The following AKAP13 variants were observed in gnomAD, a reference collection of about 807,000 sequenced individuals.
The protein encoded by AKAP13 is A-kinase anchor protein 13.
AKAP13 carries 80 observed loss-of-function variants against 264.5 expected under a neutral mutation model. That is an observed-to-expected ratio of 0.30 (90% confidence interval 0.25 to 0.36). The LOEUF is 0.36. Ranked by LOEUF, AKAP13 falls within the 10% of genes least tolerant of loss-of-function variation. AKAP13 has a pLI of 1.00. For missense variants in AKAP13, 3,712 were observed against 3,435.2 expected (o/e 1.08, Z -2.01); for synonymous variants, 1,380 against 1,250.2 (o/e 1.10, Z -2.19).
At chr15:85,494,110 T>G (rs2075807623) in intron 2 of AKAP13, among the ~76,000 whole-genome samples, 1 of 152,114 alleles carries the variant, frequency 6.6e-6, no homozygotes, top group Admixed American at 6.5e-5. Flanking sequence ...TCATACCATC[T>G]CTTATATGCC....
Position 85,748,718 on chromosome 15 carries a change from G to T in AKAP13, c.*4041G>T, listed in dbSNP as rs1379811249. 6.6e-6 allele frequency: 1 copy of T among 152,170 alleles called. No individual in the cohort carries two copies. Among genetic ancestry groups the T allele is most frequent in the Non-Finnish European group, 1.5e-5 (1 of 68,032 alleles). The allele number at this position is 152,170 out of a possible 1,614,324, so 9.4% of individuals were successfully genotyped here. A position where few individuals can be genotyped will look rare whatever the true frequency, so the allele number is the denominator to read the frequency against. Reference sequence around the variant, plus strand: ...CATCTAATTTAATTGTCAAAAGATTGATAGGCCATGAATTACTTCTCCATC... The same window carrying T: ...CATCTAATTTAATTGTCAAAAGATTTATAGGCCATGAATTACTTCTCCATC... On this transcript the variant is annotated 3_prime_UTR_variant, in exon 37 of 37. Coordinates refer to ENST00000394518, the MANE Select transcript of AKAP13 (RefSeq NM_007200.5).
intron 4 of AKAP13, among the ~76,000 whole-genome samples, chr15:85,541,417 T>C (rs1236534081): frequency 6.6e-6 from 1 of 152,204 alleles, no homozygotes; most frequent in Non-Finnish European, 1.5e-5. Flanking sequence ...ATTTGCTGTG[T>C]GATTCTTTGA....
intron 1 of AKAP13, among the ~76,000 whole-genome samples, chr15:85,385,716 A>G (rs1366230117): frequency 1.3e-5 from 2 of 152,370 alleles, no homozygotes; most frequent in South Asian, 2.1e-4. Flanking sequence ...TTTGATGTCA[A>G]TTCAAAATCT....
At chr15:85,535,323 A>G (rs1420295465) in intron 4 of AKAP13, 1 of 152,232 alleles carries the variant, frequency 6.6e-6, no homozygotes, top group African/African-American at 2.4e-5. Flanking sequence ...CAGCCGTCAG[A>G]ACGGTGTCCC....
At position 85,582,046 on chromosome 15, in the gene AKAP13, T is replaced by C. The variant is rs200288158; in HGVS notation, c.3978T>C (p.Phe1326=). 1 of 1,613,860 alleles carries C rather than the reference T, an allele frequency of 6.2e-7. No homozygotes were observed. The highest frequency in any genetic ancestry group is 8.5e-7 in the Non-Finnish European group (1 of 1,179,912). ...EEATGSLAGC[F]AGREEPEKII... is the part of the protein sequence containing the mutation. ...CCACGGGGAGCCTTGCAGGATGTTTTGCTGGAAGGGAGGAGCCAGAGAAGA... is the reference window on the plus strand; with the variant it reads ...CCACGGGGAGCCTTGCAGGATGTTTCGCTGGAAGGGAGGAGCCAGAGAAGA... The change falls in exon 7 of 37, where the codon TTT becomes TTC. Residue 1326 remains phenylalanine (F), a synonymous_variant. Transcript: ENST00000394518.
chr15:85,421,526 TG>T (rs2072519742), intron 1 of AKAP13, among the ~76,000 whole-genome samples: 1 of 152,386 alleles, frequency 6.6e-6, no homozygotes, highest in African/African-American at 2.4e-5. Flanking sequence ...GCCCAATATT[TG>T]ATTTGAGAGG....
chr15:85,412,098 TA>T (rs2072000500), intron 1 of AKAP13, among the ~76,000 whole-genome samples: 1 of 124,986 alleles, frequency 8.0e-6, no homozygotes, highest in Non-Finnish European at 1.7e-5. Context: ...ATGATCAATG[TA>T]TGATGTTACA....
At chr15:85,693,842 A>T (rs72748165) in intron 17 of AKAP13, among the ~76,000 whole-genome samples, 20,900 of 152,218 alleles carry the variant, frequency 0.14, 1,871 homozygotes, top group African/African-American at 0.23. Flanking sequence ...GCTTTGTGCT[A>T]GATAATTTTG....
intron 3 of AKAP13, among the ~76,000 whole-genome samples, chr15:85,528,879 C>T (rs1341058067): frequency 6.6e-6 from 1 of 152,172 alleles, no homozygotes; most frequent in Non-Finnish European, 1.5e-5. Flanking sequence ...TCTAGAGTAG[C>T]TGCCTTCATA....
chr15:85,646,044 CT>C, intron 10 of AKAP13, 90 bp downstream of exon 10: 1 of 1,501,386 alleles, frequency 6.7e-7, no homozygotes, highest in Non-Finnish European at 8.9e-7. Context: ...TTTTCCCCCT[CT>C]TGTGCTCTCC....
intron 10 of AKAP13, among the ~76,000 whole-genome samples, chr15:85,649,217 A>T (rs1567174583): frequency 6.6e-6 from 1 of 152,228 alleles, no homozygotes; most frequent in Non-Finnish European, 1.5e-5. Context: ...AGAGGCACTG[A>T]TAGGTAAAGA....
rs186822811 is a variant in AKAP13 at position 85,633,204 on chromosome 15, C to A, written c.4162-6170C>A. ...AATAGGGTTTTCTAAACTGTTGGCCCCTTGTTGAAGGTCAAGGTAAGAGAC... is the reference window on the plus strand; with the variant it reads ...AATAGGGTTTTCTAAACTGTTGGCCACTTGTTGAAGGTCAAGGTAAGAGAC... On this transcript the variant is annotated intron_variant, in intron 8 of 36. Coordinates refer to ENST00000394518, the MANE Select transcript of AKAP13 (RefSeq NM_007200.5). 3.9e-5 allele frequency among the ~76,000 whole-genome samples: 6 copies of A among 152,184 alleles called. No homozygotes were observed. In the East Asian group the frequency reaches 5.8e-4, roughly 15 times the overall value.
intron 12 of AKAP13, among the ~76,000 whole-genome samples, chr15:85,661,817 A>G (rs1205167606): frequency 6.6e-6 from 1 of 151,938 alleles, no homozygotes; most frequent in Non-Finnish European, 1.5e-5. Flanking sequence ...GTAGGGTTTG[A>G]AGATGGATGC....
At chr15:85,386,181 A>G (rs2070550743) in intron 1 of AKAP13, among the ~76,000 whole-genome samples, 1 of 151,850 alleles carries the variant, frequency 6.6e-6, no homozygotes, top group Admixed American at 6.6e-5. Context: ...TATGATATCC[A>G]GTGTTTTTTT....
At chr15:85,460,050 G>A (rs1050178211) in intron 1 of AKAP13, among the ~76,000 whole-genome samples, 6 of 152,190 alleles carry the variant, frequency 3.9e-5, no homozygotes, top group African/African-American at 1.2e-4. Context: ...CTTTTCAAAT[G>A]TGTTTTCATA....
chr15:85,488,999 G>A (rs764769798), intron 2 of AKAP13, among the ~76,000 whole-genome samples: 1 of 152,202 alleles, frequency 6.6e-6, no homozygotes, highest in African/African-American at 2.4e-5. Context: ...AATGCAGTTA[G>A]GTCAGTTAGA....
intron 1 of AKAP13, among the ~76,000 whole-genome samples, chr15:85,463,163 A>G (rs1320886090): frequency 1.3e-5 from 2 of 152,172 alleles, no homozygotes; most frequent in Non-Finnish European, 2.9e-5. Context: ...GGAGATTGAA[A>G]CAAAATGAAC....
At chr15:85,468,707 G>A (rs2074844809) in intron 1 of AKAP13, among the ~76,000 whole-genome samples, 1 of 151,936 alleles carries the variant, frequency 6.6e-6, no homozygotes, top group Admixed American at 6.6e-5. Flanking sequence ...TAACATTTGG[G>A]GAATGAGTTT....
chr15:85,671,413 G>A (rs12594140), intron 14 of AKAP13, among the ~76,000 whole-genome samples: 15,804 of 124,768 alleles, frequency 0.13, 1,079 homozygotes, highest in Admixed American at 0.22. Context: ...CAGCCTGGGT[G>A]ATAGAGTGAG....
Sources: gnomAD v4.1 joint callset for allele counts (sites outside exome capture counted in the v4.1 genomes callset) on GRCh38, gnomAD v4.1.1 for gene constraint, MANE v1.5 for transcripts, NCBI Gene and HGNC (gene_info 2026-07-23, HGNC 2026-07-21) for gene names.